Variants in ABCA13 observed in about 807,000 individuals in gnomAD.
The protein encoded by ABCA13 is ATP binding cassette subfamily A member 13, also known as ATP-binding cassette sub-family A member 13.
ABCA13 carries 476 observed loss-of-function variants against 478.7 expected under a neutral mutation model. That is an observed-to-expected ratio of 0.99 (90% confidence interval 0.92 to 1.07). The LOEUF (loss-of-function observed/expected upper bound fraction) is 1.07. ABCA13 is among the 50% of genes least tolerant of loss of function. ABCA13 has a pLI of 0.00. For synonymous variants in ABCA13, 2,252 were observed against 2,158.9 expected (o/e 1.04, Z -1.20); for missense variants, 6,060 against 5,910.6 (o/e 1.03, Z -0.83).
Position 48,317,239 on chromosome 7 carries a change from G to A in ABCA13, c.9942G>A (p.Leu3314=), listed in dbSNP as rs1802726487. 1 of 1,613,352 alleles carries A rather than the reference G, an allele frequency of 6.2e-7. No individual in the cohort carries two copies. The highest frequency in any genetic ancestry group is 1.7e-5 in the Admixed American group (1 of 59,956). ...ALVWTFLKPI[L]HGKILYTPNT... ...TGTGGACCTTCCTAAAACCCATATT[G>A]CATGGAAAAATACTATACACACCAA... Residue 3314 remains leucine (L), a synonymous_variant, in exon 27 of 62, where the codon TTG becomes TTA. Transcript: ENST00000435803.
At chr7:48,297,460 C>A (rs2128837998) in intron 22 of ABCA13, 149 bp downstream of exon 22, 2 of 807,348 alleles carry the variant, frequency 2.5e-6, no homozygotes, top group East Asian at 2.7e-5. Context: ...ATGTATTTGG[C>A]ATTTATAAAG....
At chr7:48,302,568 C>G (rs2128859307) in intron 23 of ABCA13, among the ~76,000 whole-genome samples, 1 of 152,272 alleles carries the variant, frequency 6.6e-6, no homozygotes, top group South Asian at 2.1e-4. Flanking sequence ...CATTATTTAG[C>G]TCCAACTTAT....
At chr7:48,336,644 C>T (rs1259955020) in intron 28 of ABCA13, among the ~76,000 whole-genome samples, 1 of 152,166 alleles carries the variant, frequency 6.6e-6, no homozygotes, top group East Asian at 1.9e-4. Flanking sequence ...AGAGACAGCC[C>T]ATGGGAGGCG....
intron 58 of ABCA13, among the ~76,000 whole-genome samples, chr7:48,609,900 G>A (rs1253498597): frequency 1.3e-5 from 2 of 152,132 alleles, no homozygotes; most frequent in Non-Finnish European, 2.9e-5. Flanking sequence ...CTCCGGCCAG[G>A]CCCTTCCACC....
intron 55 of ABCA13, among the ~76,000 whole-genome samples, chr7:48,577,565 C>G (rs889242301): frequency 6.6e-6 from 1 of 152,042 alleles, no homozygotes; most frequent in Admixed American, 6.5e-5. Flanking sequence ...AGGTATATAT[C>G]ATTGAAAGAA....
intron 41 of ABCA13, among the ~76,000 whole-genome samples, chr7:48,426,407 A>G (rs34228140): frequency 0.28 from 41,828 of 152,068 alleles, 5,905 homozygotes; most frequent in East Asian, 0.37. Flanking sequence ...CCCTGTGGTT[A>G]GGGGCTCCTC....
chr7:48,617,294 C>T (rs567097635), intron 59 of ABCA13, among the ~76,000 whole-genome samples: 2 of 152,294 alleles, frequency 1.3e-5, no homozygotes, highest in East Asian at 3.9e-4. Context: ...CTTCCTCCTC[C>T]TCTCCATCCC....
At chr7:48,556,506 T>C (rs910514388) in intron 55 of ABCA13, among the ~76,000 whole-genome samples, 1 of 152,014 alleles carries the variant, frequency 6.6e-6, no homozygotes, top group African/African-American at 2.4e-5. Context: ...CATAAATATT[T>C]ACAATTGTTT....
intron 51 of ABCA13, among the ~76,000 whole-genome samples, chr7:48,512,157 C>T (rs1385872701): frequency 6.6e-6 from 1 of 151,302 alleles, no homozygotes; most frequent in Non-Finnish European, 1.5e-5. Context: ...GAGAGAGAAA[C>T]AAGACAGACA....
intron 44 of ABCA13, among the ~76,000 whole-genome samples, chr7:48,469,443 T>C (rs1827233933): frequency 6.6e-6 from 1 of 152,170 alleles, no homozygotes; most frequent in South Asian, 2.1e-4. Context: ...TCAGCTCCAC[T>C]CTTACTGACT....
intron 58 of ABCA13, among the ~76,000 whole-genome samples, chr7:48,608,553 GT>G (rs1791703572): frequency 6.6e-6 from 1 of 152,186 alleles, no homozygotes; most frequent in South Asian, 2.1e-4. Context: ...GGCTTTTTCT[GT>G]TTGTTTGGCT....
intron 59 of ABCA13, among the ~76,000 whole-genome samples, chr7:48,633,931 C>CATAGATAGATAGATACATAG (rs1554589114): frequency 1.4e-3 from 202 of 144,988 alleles, no homozygotes; most frequent in African/African-American, 4.8e-3. Context: ...TAGATAGATA[C>CATAGATAGATAGATACATAG]ATAGATAGAT....
At chr7:48,476,171 T>C (rs1056118023) in intron 45 of ABCA13, among the ~76,000 whole-genome samples, 1 of 152,156 alleles carries the variant, frequency 6.6e-6, no homozygotes, top group Non-Finnish European at 1.5e-5. Flanking sequence ...TTGAGGACAA[T>C]CTGTCCTTTT....
intron 16 of ABCA13, 149 bp downstream of exon 16, chr7:48,269,243 T>A (rs1251810590): frequency 8.9e-6 from 5 of 564,478 alleles, no homozygotes; most frequent in African/African-American, 1.9e-5. Context: ...CAATAAATAT[T>A]CCTTTAATAG....
intron 29 of ABCA13, among the ~76,000 whole-genome samples, chr7:48,340,397 C>A (rs1219324140): frequency 6.6e-6 from 1 of 152,150 alleles, no homozygotes; most frequent in African/African-American, 2.4e-5. Context: ...TGAGCCACTG[C>A]GCCTGGCCTC....
At chr7:48,286,894 T>C (rs75082200) in intron 19 of ABCA13, among the ~76,000 whole-genome samples, 3,690 of 152,320 alleles carry the variant, frequency 0.024, 74 homozygotes, top group Non-Finnish European at 0.034. Context: ...AAAAAAAGAT[T>C]TTATTTCTTA....
chr7:48,614,139 A>C lies in ABCA13; in HGVS notation c.14745-1146A>C, dbSNP rs1238967183. ...ATTATAACAGTTTTTCCATTTTCAA[A>C]ATATCCATTCTTTTCTTTTCTTCCA... is the stretch of plus-strand genomic sequence containing the variant. On this transcript the variant is annotated intron_variant, in intron 58 of 61. Coordinates refer to ENST00000435803, the MANE Select transcript of ABCA13 (RefSeq NM_152701.5). 2.0e-5 allele frequency among the ~76,000 whole-genome samples: 3 copies of C among 150,678 alleles called. 1 individual carries two copies. The highest frequency in any genetic ancestry group is 4.4e-5 in the Non-Finnish European group (3 of 67,552).
chr7:48,410,093 C>CAAAAAAAA (rs58724216), intron 39 of ABCA13, among the ~76,000 whole-genome samples: 5,637 of 66,924 alleles, frequency 0.084, 332 homozygotes, highest in East Asian at 0.13. Context: ...GACTCCATCT[C>CAAAAAAAA]AAAAAAAAAA....
At chr7:48,562,132 C>T (rs1001016392) in intron 55 of ABCA13, among the ~76,000 whole-genome samples, 3 of 151,530 alleles carry the variant, frequency 2.0e-5, no homozygotes, top group African/African-American at 7.3e-5. Flanking sequence ...CAAAGTTTGC[C>T]TGCCTTTTTT....
Sources: allele counts gnomAD v4.1 joint callset (sites outside exome capture counted in the v4.1 genomes callset), GRCh38; gene constraint gnomAD v4.1.1; transcripts MANE v1.5; gene names NCBI Gene and HGNC (gene_info 2026-07-23, HGNC 2026-07-21).